The following INPP4B variants were observed in gnomAD, a reference collection of about 807,000 sequenced individuals.
INPP4B encodes inositol polyphosphate-4-phosphatase type II B.
In INPP4B, 55 loss-of-function variants were observed where a neutral mutation model predicts 122.5. The observed-to-expected ratio is 0.45, with a 90% confidence interval of 0.36 to 0.56. The LOEUF is 0.56. Ranked by LOEUF, INPP4B falls within the 20% of genes least tolerant of loss-of-function variation. The pLI, the probability that INPP4B is intolerant of heterozygous loss-of-function variation, is 0.00. For synonymous variants in INPP4B, 403 were observed against 388.7 expected (o/e 1.04, Z -0.43); for missense variants, 1,000 against 1,097.7 (o/e 0.91, Z 1.26).
chr4:142,124,538 T>A (rs1008928186), intron 19 of INPP4B, 50 bp downstream of exon 19: 3 of 1,492,762 alleles, frequency 2.0e-6, no homozygotes, highest in Non-Finnish European at 2.8e-6. Context: ...AAGGATAGGA[T>A]GTTAACAATC....
intron 2 of INPP4B, among the ~76,000 whole-genome samples, chr4:142,674,951 G>A (rs1295122491): frequency 8.5e-5 from 13 of 152,092 alleles, no homozygotes; most frequent in Admixed American, 7.9e-4. Flanking sequence ...AAAAGAACTA[G>A]AGAAGCAAGA....
chr4:142,236,728 A>C lies in INPP4B; in HGVS notation c.836+1136T>G, dbSNP rs183683041. On this transcript the variant is annotated intron_variant, in intron 12 of 25. Transcript: ENST00000262992. Reference sequence around the variant, plus strand: ...CTAACCAATTTTGTTAATAGTTTCCAATTTTACCTGCCCTGTCTATGGTGT... The same window carrying C: ...CTAACCAATTTTGTTAATAGTTTCCCATTTTACCTGCCCTGTCTATGGTGT... Among the ~76,000 whole-genome samples, 698 of 152,202 alleles carry C rather than the reference A, an allele frequency of 4.6e-3. 4 individuals carry two copies. Among genetic ancestry groups the C allele is most frequent in the East Asian group, 0.019 (97 of 5,172 alleles).
intron 2 of INPP4B, among the ~76,000 whole-genome samples, chr4:142,507,978 CT>C (rs992922355): frequency 1.3e-5 from 2 of 152,148 alleles, no homozygotes; most frequent in East Asian, 1.9e-4. Flanking sequence ...TTATAGGCCC[CT>C]GACCCCCCTT....
chr4:142,317,597 C>T (rs116469857), intron 7 of INPP4B: 9 of 176,286 alleles, frequency 5.1e-5, no homozygotes, highest in African/African-American at 2.1e-4. Flanking sequence ...ACAATTGCCT[C>T]TTTAAATGTA....
chr4:142,071,932 T>C (rs1306135085), intron 25 of INPP4B, among the ~76,000 whole-genome samples: 2 of 152,160 alleles, frequency 1.3e-5, no homozygotes, highest in African/African-American at 4.8e-5. Flanking sequence ...AGTGTGGTGA[T>C]TCCTCAAGGA....
chr4:142,160,403 C>A lies in INPP4B; in HGVS notation c.1518G>T (p.Gly506=), dbSNP rs1458536983. The A allele has an allele frequency of 1.3e-6, 2 of 1,599,208 alleles. No individual in the cohort carries two copies. Among genetic ancestry groups the A allele is most frequent in the East Asian group, 4.5e-5 (2 of 44,578 alleles). ...SPQDQPPVMR[G]QDSIPHHSDY... is the part of the protein sequence containing the mutation. Reference sequence around the variant, plus strand: ...CTGAATGATGTGGTATGGAGTCCTGCCCTCTCATCACTGGGGGTTGGTCTT... The same window carrying A: ...CTGAATGATGTGGTATGGAGTCCTGACCTCTCATCACTGGGGGTTGGTCTT... Residue 506 remains glycine (G), a synonymous_variant, in exon 17 of 26, where the codon GGG becomes GGT. Coordinates refer to ENST00000262992, the MANE Select transcript of INPP4B (RefSeq NM_001101669.3).
At chr4:142,766,347 G>C (rs2150986363) in intron 1 of INPP4B, among the ~76,000 whole-genome samples, 1 of 151,788 alleles carries the variant, frequency 6.6e-6, no homozygotes, top group Middle Eastern at 3.4e-3. Context: ...TTCGTTTATG[G>C]TTAGTCTGAC....
chr4:142,114,332 G>A (rs1386379334), intron 21 of INPP4B, among the ~76,000 whole-genome samples: 1 of 151,940 alleles, frequency 6.6e-6, no homozygotes, highest in African/African-American at 2.4e-5. Flanking sequence ...AAGTCTAAAA[G>A]TCATATGGTA....
At chr4:142,088,618 C>T (rs948305528) in intron 23 of INPP4B, among the ~76,000 whole-genome samples, 1 of 152,108 alleles carries the variant, frequency 6.6e-6, no homozygotes, top group East Asian at 1.9e-4. Context: ...CATCTTTAGG[C>T]TGTGCAACTT....
chr4:142,409,499 T>TAATTAATAAATA (rs1554050365), intron 5 of INPP4B, among the ~76,000 whole-genome samples: 3 of 150,392 alleles, frequency 2.0e-5, no homozygotes, highest in African/African-American at 7.4e-5. Flanking sequence ...TCTCAAAAAA[T>TAATTAATAAATA]AATAAATAAA....
chr4:142,041,600 A>G (rs1178448311), intron 25 of INPP4B, among the ~76,000 whole-genome samples: 1 of 151,842 alleles, frequency 6.6e-6, no homozygotes, highest in Non-Finnish European at 1.5e-5. Context: ...CCTGGGCAAC[A>G]AGAGCAAAAC....
chr4:142,114,983 A>C (rs968016109), intron 21 of INPP4B, among the ~76,000 whole-genome samples: 2 of 152,128 alleles, frequency 1.3e-5, no homozygotes, highest in Non-Finnish European at 2.9e-5. Context: ...GATGGAGCTG[A>C]AAACCACGGC....
rs570816186 is a variant in INPP4B, at chr4:142,501,924, C to T, written c.-190-39198G>A. Reference sequence around the variant, plus strand: ...CCTTTGTGCTCCCCACGAAGTCCCCCTCCACCTCCACCCGTGAGCATGGAA... The same window carrying T: ...CCTTTGTGCTCCCCACGAAGTCCCCTTCCACCTCCACCCGTGAGCATGGAA... On this transcript the variant is annotated intron_variant, in intron 2 of 25. Transcript: ENST00000262992. 4.9e-4 allele frequency among the ~76,000 whole-genome samples: 74 copies of T among 152,246 alleles called. 2 individuals carry two copies. The highest frequency in any genetic ancestry group is 1.0e-3 in the Non-Finnish European group (70 of 68,012).
intron 25 of INPP4B, among the ~76,000 whole-genome samples, chr4:142,052,645 T>C (rs1162756981): frequency 1.3e-5 from 2 of 150,478 alleles, no homozygotes; most frequent in Non-Finnish European, 3.0e-5. Context: ...ATTTGGGCAT[T>C]AAAAATGATG....
chr4:142,474,034 C>G (rs1819387886), intron 2 of INPP4B, among the ~76,000 whole-genome samples: 2 of 152,188 alleles, frequency 1.3e-5, no homozygotes, highest in Admixed American at 6.5e-5. Context: ...ATCCGGGCTG[C>G]AGGGCAGGAG....
chr4:142,046,006 T>C (rs1751175821), intron 25 of INPP4B, among the ~76,000 whole-genome samples: 1 of 151,862 alleles, frequency 6.6e-6, no homozygotes, highest in African/African-American at 2.4e-5. Context: ...AAGCCTTTTT[T>C]GAGGGGGTGA....
intron 20 of INPP4B, among the ~76,000 whole-genome samples, chr4:142,122,640 C>T (rs1030000538): frequency 2.0e-5 from 3 of 152,054 alleles, no homozygotes; most frequent in African/African-American, 7.2e-5. Flanking sequence ...CATACATTAA[C>T]AAATGAAGCC....
chr4:142,378,268 T>C (rs540787544), intron 7 of INPP4B, among the ~76,000 whole-genome samples: 1 of 152,196 alleles, frequency 6.6e-6, no homozygotes, highest in African/African-American at 2.4e-5. Flanking sequence ...GCCATCATGA[T>C]TGAGAAGGAA....
intron 11 of INPP4B, among the ~76,000 whole-genome samples, chr4:142,256,426 G>A (rs1242434042): frequency 6.6e-6 from 1 of 151,892 alleles, no homozygotes; most frequent in Non-Finnish European, 1.5e-5. Flanking sequence ...GCTGGTTTTT[G>A]GAAAGGATCA....
Sources: allele counts gnomAD v4.1 joint callset (sites outside exome capture counted in the v4.1 genomes callset), GRCh38; gene constraint gnomAD v4.1.1; transcripts MANE v1.5; gene names NCBI Gene and HGNC (gene_info 2026-07-23, HGNC 2026-07-21).